Variants in BMERB1 observed in about 807,000 individuals in gnomAD.
BMERB1 encodes the protein bMERB domain-containing protein 1.
Under a neutral mutation model 23.6 loss-of-function variants are expected in BMERB1, and 12 were observed. That is an observed-to-expected ratio of 0.51 (90% CI 0.33 to 0.82). The LOEUF is 0.82. Ranked by LOEUF, BMERB1 falls within the 40% of genes least tolerant of loss-of-function variation. The probability of loss-of-function intolerance (pLI) is 0.03; values close to 1 mark genes in which losing one functional copy is unlikely to be tolerated. For missense variants in BMERB1, 247 were observed against 255.4 expected, an observed-to-expected ratio of 0.97 and a Z score of 0.22; for synonymous variants, 122 against 96.6, an observed-to-expected ratio of 1.26 and a Z score of -1.54.
intron 2 of BMERB1, among the ~76,000 whole-genome samples, chr16:15,518,867 A>G (rs892418058): frequency 1.3e-5 from 2 of 151,870 alleles, no homozygotes; most frequent in African/African-American, 2.4e-5. Flanking sequence ...GGAGGAAAGA[A>G]AAGGAGGAAG....
At chr16:15,581,638 T>C (rs2031016388) in intron 4 of BMERB1, among the ~76,000 whole-genome samples, 2 of 152,226 alleles carry the variant, frequency 1.3e-5, no homozygotes, top group African/African-American at 4.8e-5. Flanking sequence ...GAAGGCAATG[T>C]CTTGAAACTT....
chr16:15,436,012 A>G (rs1401223635), intron 1 of BMERB1, among the ~76,000 whole-genome samples: 1 of 151,818 alleles, frequency 6.6e-6, no homozygotes, highest in Non-Finnish European at 1.5e-5. Context: ...GCATAATATC[A>G]GGGCGTCAGG....
chr16:15,528,229 G>A (rs1260156450), intron 2 of BMERB1, among the ~76,000 whole-genome samples: 1 of 152,068 alleles, frequency 6.6e-6, no homozygotes, highest in East Asian at 1.9e-4. Context: ...CTCATTCTCT[G>A]CTTCCAAGAT....
chr16:15,524,080 C>T (rs1159659164), intron 2 of BMERB1, among the ~76,000 whole-genome samples: 2 of 152,178 alleles, frequency 1.3e-5, no homozygotes, highest in African/African-American at 4.8e-5. Flanking sequence ...TTAGGAAGAG[C>T]TTCAAGCCAA....
At chr16:15,442,845 A>T (rs564936983) in intron 1 of BMERB1, among the ~76,000 whole-genome samples, 2 of 152,144 alleles carry the variant, frequency 1.3e-5, no homozygotes, top group Non-Finnish European at 2.9e-5. Context: ...ACTGTCTGTT[A>T]TTCTTGGTTC....
At chr16:15,484,110 G>A (rs1159134144) in intron 1 of BMERB1, among the ~76,000 whole-genome samples, 1 of 152,134 alleles carries the variant, frequency 6.6e-6, no homozygotes, top group Non-Finnish European at 1.5e-5. Flanking sequence ...GGAATTAAGG[G>A]TGAGAACTCA....
At chr16:15,489,659 A>G (rs1356983232) in intron 1 of BMERB1, among the ~76,000 whole-genome samples, 1 of 152,098 alleles carries the variant, frequency 6.6e-6, no homozygotes, top group African/African-American at 2.4e-5. Context: ...CTGGGCTCAA[A>G]ATAGCTATTT....
At chr16:15,455,229 C>A (rs1015140347) in intron 1 of BMERB1, among the ~76,000 whole-genome samples, 1 of 150,074 alleles carries the variant, frequency 6.7e-6, no homozygotes, top group Non-Finnish European at 1.5e-5. Flanking sequence ...GAGGCTGAGG[C>A]AGGAGAATCA....
intron 1 of BMERB1, among the ~76,000 whole-genome samples, chr16:15,490,706 G>A (rs570978329): frequency 2.5e-4 from 38 of 152,316 alleles, no homozygotes; most frequent in Admixed American, 6.5e-4. Flanking sequence ...AATTCTGTGC[G>A]AACAGCACCT....
chr16:15,481,778 A>G (rs1311732226), intron 1 of BMERB1, among the ~76,000 whole-genome samples: 1 of 150,554 alleles, frequency 6.6e-6, no homozygotes, highest in Non-Finnish European at 1.5e-5. Context: ...CTGGAGTGCA[A>G]TAATAGCATG....
At chr16:15,576,883 A>G (rs2030874349) in intron 3 of BMERB1, among the ~76,000 whole-genome samples, 2 of 152,216 alleles carry the variant, frequency 1.3e-5, no homozygotes, top group South Asian at 4.1e-4. Flanking sequence ...AGAAAGAGAA[A>G]AGGGAACAGC....
chr16:15,495,142 C>A (rs371264195), intron 1 of BMERB1, among the ~76,000 whole-genome samples: 1 of 151,956 alleles, frequency 6.6e-6, no homozygotes, highest in Admixed American at 6.6e-5. Flanking sequence ...CCTCGGCCTT[C>A]CAAAGTGCTG....
At chr16:15,497,572 C>G (rs956088730) in intron 1 of BMERB1, among the ~76,000 whole-genome samples, 2 of 152,230 alleles carry the variant, frequency 1.3e-5, no homozygotes, top group Non-Finnish European at 2.9e-5. Flanking sequence ...CGTTGGGCCT[C>G]TGTCCTCCAG....
chr16:15,544,606 C>T (rs1176077266), intron 2 of BMERB1, among the ~76,000 whole-genome samples: 1 of 152,174 alleles, frequency 6.6e-6, no homozygotes, highest in Non-Finnish European at 1.5e-5. Context: ...ACAGCTTGGC[C>T]AAAGTGTTCT....
intron 2 of BMERB1, among the ~76,000 whole-genome samples, chr16:15,518,856 G>A (rs1389872242): frequency 6.6e-6 from 1 of 151,394 alleles, no homozygotes; most frequent in Non-Finnish European, 1.5e-5. Context: ...AGGGAGGGAA[G>A]GGAGGAAAGA....
intron 1 of BMERB1, among the ~76,000 whole-genome samples, chr16:15,488,902 C>CAAAA (rs769821665): frequency 1.0e-4 from 6 of 57,734 alleles, no homozygotes; most frequent in African/African-American, 2.0e-4. Flanking sequence ...ACTGCATATG[C>CAAAA]AAAAAAAAAA....
At chr16:15,445,631 C>T (rs949945538) in intron 1 of BMERB1, among the ~76,000 whole-genome samples, 1 of 152,182 alleles carries the variant, frequency 6.6e-6, no homozygotes, top group Non-Finnish European at 1.5e-5. Context: ...AAGGACTGAT[C>T]ATACTAAGTG....
chr16:15,475,983 A>G (rs1479768505), intron 1 of BMERB1, among the ~76,000 whole-genome samples: 1 of 152,094 alleles, frequency 6.6e-6, no homozygotes, highest in Non-Finnish European at 1.5e-5. Context: ...AGCTGATGCC[A>G]TGTGACCCAA....
At chr16:15,537,558 T>C (rs2052037262) in intron 2 of BMERB1, among the ~76,000 whole-genome samples, 1 of 151,992 alleles carries the variant, frequency 6.6e-6, no homozygotes, top group Non-Finnish European at 1.5e-5. Flanking sequence ...TTCACCATGT[T>C]GGCCAGGCTG....
Sources: allele counts gnomAD v4.1 joint callset (sites outside exome capture counted in the v4.1 genomes callset), GRCh38; gene constraint gnomAD v4.1.1; transcripts MANE v1.5; gene names NCBI Gene and HGNC (gene_info 2026-07-23, HGNC 2026-07-21).